DYNC2LI1: variants seen among roughly 807,000 people sequenced by gnomAD.
DYNC2LI1 encodes cytoplasmic dynein 2 light intermediate chain 1.
In DYNC2LI1, 45 loss-of-function variants were observed where a neutral mutation model predicts 51.9. The ratio of observed to expected loss-of-function variants is 0.87; its 90% CI spans 0.68 to 1.11. The LOEUF is 1.11. DYNC2LI1 is among the 50% of genes most tolerant of loss of function. DYNC2LI1 has a pLI of 0.00. For missense variants in DYNC2LI1, 490 were observed against 417.4 expected (o/e 1.17, Z -1.51); for synonymous variants, 130 against 137.8 (o/e 0.94, Z 0.40).
At chr2:43,813,689 T>C (rs1666612899), downstream of DYNC2LI1, among the ~76,000 whole-genome samples, 1 of 149,020 alleles carries the variant, frequency 6.7e-6, no homozygotes, top group Non-Finnish European at 1.5e-5. Flanking sequence ...TTTTTTGTTT[T>C]TTTTGGGGTT....
the DYNC2LI1 span, among the ~76,000 whole-genome samples, chr2:43,820,958 C>G: frequency 2.6e-5 from 4 of 152,196 alleles, no homozygotes; most frequent in East Asian, 7.7e-4. Context: ...CTGGCCTGAC[C>G]TTCATTTTCT....
intron 5 of DYNC2LI1, among the ~76,000 whole-genome samples, chr2:43,791,498 A>G (rs1056728884): frequency 2.0e-5 from 3 of 152,060 alleles, no homozygotes; most frequent in Non-Finnish European, 4.4e-5. Context: ...GAGCCCCATG[A>G]CAGCTGGGAC....
At position 43,794,458 on chromosome 2, in the gene DYNC2LI1, A is replaced by T; in HGVS notation, c.322A>T (p.Thr108Ser). 1 of 1,603,138 alleles carries T rather than the reference A, an allele frequency of 6.2e-7. No homozygotes were observed. The highest frequency in any genetic ancestry group is 8.5e-7 in the Non-Finnish European group (1 of 1,174,916). Residue 108 changes from threonine to serine, a missense_variant and splice_region_variant, in exon 6 of 13, where the codon ACG becomes TCG. Physicochemically the swap from Thr to Ser is moderately conservative, Grantham distance 58. Coordinates refer to ENST00000260605, the MANE Select transcript of DYNC2LI1 (RefSeq NM_016008.4). ...SIPITGDTLR[T>S]FSLVLVLDLS... The stretch of plus-strand genomic sequence containing the variant: ...TGAAAAGTGTTTTTATTTCTTTAGG[A>T]CGTTTTCTCTTGTTCTCGTTCTGGA...
chr2:43,775,690 TTC>T, intron 1 of DYNC2LI1: 1 of 395,360 alleles, frequency 2.5e-6, no homozygotes. Context: ...TTTTTTTATT[TTC>T]TTTTTTTTTT....
At chr2:43,784,570 G>C (rs886959880) in intron 3 of DYNC2LI1, among the ~76,000 whole-genome samples, 1 of 152,058 alleles carries the variant, frequency 6.6e-6, no homozygotes, top group East Asian at 1.9e-4. Context: ...CTCCCGCTGG[G>C]ATTACAGGCA....
At chr2:43,789,130 A>C (rs964253914) in intron 4 of DYNC2LI1, among the ~76,000 whole-genome samples, 1 of 152,300 alleles carries the variant, frequency 6.6e-6, no homozygotes, top group African/African-American at 2.4e-5. Context: ...TGCTCAAGTA[A>C]TCTTGATCCG....
chr2:43,813,722 T>TG (rs1255228386), downstream of DYNC2LI1, among the ~76,000 whole-genome samples: 7 of 125,784 alleles, frequency 5.6e-5, no homozygotes, highest in Non-Finnish European at 1.0e-4. Flanking sequence ...TTTTTTTTTT[T>TG]TTTTTTTTTT....
Position 43,805,237 on chromosome 2 carries a change from G to C in DYNC2LI1, c.984G>C (p.Gln328His). 1 of 1,601,154 alleles carries C rather than the reference G, an allele frequency of 6.2e-7. No individual in the cohort carries two copies. Among genetic ancestry groups the C allele is most frequent in the South Asian group, 1.1e-5 (1 of 90,716 alleles). The change falls in exon 12 of 13, where the codon CAG becomes CAC. Residue 328 changes from glutamine (Q) to histidine (H), a missense_variant. Physicochemically the swap from Gln to His is conservative, Grantham distance 24. Coordinates refer to ENST00000260605, the MANE Select transcript of DYNC2LI1 (RefSeq NM_016008.4). ...ATGAAGTCGATGAGATGAGAATTCA[G>C]AAGGATCTGGTATTATCCTAAACAT... ...AENEVDEMRI[Q>H]KDLELEQYKR... is the part of the protein sequence containing the mutation.
intron 8 of DYNC2LI1, among the ~76,000 whole-genome samples, chr2:43,800,517 G>A (rs1372303876): frequency 6.6e-6 from 1 of 152,128 alleles, no homozygotes; most frequent in Non-Finnish European, 1.5e-5. Context: ...CACACATACA[G>A]CCCATAAACA....
chr2:43,778,363 A>C (rs544997113), intron 2 of DYNC2LI1, among the ~76,000 whole-genome samples: 5 of 152,248 alleles, frequency 3.3e-5, no homozygotes, highest in Admixed American at 3.3e-4. Flanking sequence ...TGCGTTGCCC[A>C]GGCTGACCTC....
intron 8 of DYNC2LI1, among the ~76,000 whole-genome samples, chr2:43,797,036 C>T (rs1015096162): frequency 1.8e-4 from 28 of 152,132 alleles, no homozygotes; most frequent in African/African-American, 6.0e-4. Context: ...TCCATAAATC[C>T]CAACCAAGTT....
chr2:43,777,955 TAAA>T (rs1673101023), intron 2 of DYNC2LI1, among the ~76,000 whole-genome samples: 1 of 152,196 alleles, frequency 6.6e-6, no homozygotes, highest in Non-Finnish European at 1.5e-5. Flanking sequence ...AATACGTAAA[TAAA>T]AAATTCTGAT....
the DYNC2LI1 span, among the ~76,000 whole-genome samples, chr2:43,820,579 G>A: frequency 5.8e-4 from 88 of 152,192 alleles, no homozygotes; most frequent in African/African-American, 2.0e-3. Context: ...TTTTGTCCTC[G>A]ATCAGGTTAG....
intron 5 of DYNC2LI1, chr2:43,793,018 GA>G (rs1558682171): frequency 2.7e-6 from 1 of 369,936 alleles, no homozygotes; most frequent in Non-Finnish European, 4.6e-6. Context: ...TTTAGACTCA[GA>G]AGTGGAATTG....
At chr2:43,798,555 G>A (rs1305849137) in intron 8 of DYNC2LI1, among the ~76,000 whole-genome samples, 2 of 152,144 alleles carry the variant, frequency 1.3e-5, no homozygotes, top group East Asian at 1.9e-4. Context: ...ATTTCTTTAG[G>A]AACAGATTAC....
intron 11 of DYNC2LI1, 27 bp downstream of exon 11, chr2:43,804,766 C>T: frequency 2.0e-6 from 3 of 1,479,048 alleles, no homozygotes; most frequent in Non-Finnish European, 2.8e-6. Context: ...TTTTTAAAAG[C>T]AAGACTTTTA....
intron 10 of DYNC2LI1, among the ~76,000 whole-genome samples, chr2:43,802,188 T>C (rs1445198720): frequency 6.6e-6 from 1 of 152,146 alleles, no homozygotes; most frequent in Non-Finnish European, 1.5e-5. Context: ...CCTCATCTAA[T>C]GGAATGTATT....
At chr2:43,784,883 A>G (rs1303906247) in intron 3 of DYNC2LI1, among the ~76,000 whole-genome samples, 1 of 152,210 alleles carries the variant, frequency 6.6e-6, no homozygotes, top group Non-Finnish European at 1.5e-5. Flanking sequence ...ATATAACCGA[A>G]TATTACTCTC....
chr2:43,814,036 C>T (rs969796143), downstream of DYNC2LI1, among the ~76,000 whole-genome samples: 6 of 152,060 alleles, frequency 3.9e-5, no homozygotes, highest in South Asian at 4.1e-4. Flanking sequence ...TTCTAATGGC[C>T]ATGAGGTCCT....
Sources: gnomAD v4.1 joint callset for allele counts (sites outside exome capture counted in the v4.1 genomes callset) on GRCh38, gnomAD v4.1.1 for gene constraint, MANE v1.5 for transcripts, NCBI Gene and HGNC (gene_info 2026-07-23, HGNC 2026-07-21) for gene names.